The following ELK3 variants were observed in gnomAD, a reference collection of about 807,000 sequenced individuals.
The protein encoded by ELK3 is ETS transcription factor ELK3.
In ELK3, 10 loss-of-function variants were observed where a neutral mutation model predicts 28.9. The ratio of observed to expected loss-of-function variants is 0.35; its 90% confidence interval spans 0.21 to 0.59. ELK3 has a LOEUF of 0.59. ELK3 is among the 20% of genes least tolerant of loss of function. The pLI, the probability that ELK3 is intolerant of heterozygous loss-of-function variation, is 0.82. For synonymous variants in ELK3, 272 were observed against 243.5 expected (o/e 1.12, Z -1.09); for missense variants, 463 against 517.3 (o/e 0.90, Z 1.02).
intron 3 of ELK3, among the ~76,000 whole-genome samples, chr12:96,254,596 G>A (rs1253087023): frequency 6.6e-6 from 1 of 152,136 alleles, no homozygotes; most frequent in Non-Finnish European, 1.5e-5. Flanking sequence ...CAACACACAT[G>A]AACTGAGTGC....
At chr12:96,258,859 C>T (rs1951971149) in intron 3 of ELK3, among the ~76,000 whole-genome samples, 1 of 152,178 alleles carries the variant, frequency 6.6e-6, no homozygotes, top group South Asian at 2.1e-4. Context: ...AAACCATTGC[C>T]AGGGCAATGA....
At chr12:96,210,597 A>ACACC (rs1416746905) in intron 1 of ELK3, among the ~76,000 whole-genome samples, 137 of 149,046 alleles carry the variant, frequency 9.2e-4, no homozygotes, top group East Asian at 2.9e-3. Context: ...ACACACACAC[A>ACACC]CCCCGAGTGG....
intron 2 of ELK3, among the ~76,000 whole-genome samples, chr12:96,233,489 T>G (rs1822395671): frequency 6.6e-6 from 1 of 152,212 alleles, no homozygotes; most frequent in South Asian, 2.1e-4. Flanking sequence ...GGAAGGGATT[T>G]CGGGGAGAAC....
intron 3 of ELK3, among the ~76,000 whole-genome samples, chr12:96,252,336 A>G (rs1323890993): frequency 6.6e-6 from 1 of 151,926 alleles, no homozygotes; most frequent in East Asian, 1.9e-4. Context: ...TCCATTCTAC[A>G]ACCCAGAAGT....
At chr12:96,231,377 C>T (rs553677589) in intron 2 of ELK3, among the ~76,000 whole-genome samples, 10 of 152,336 alleles carry the variant, frequency 6.6e-5, no homozygotes, top group South Asian at 2.1e-4. Flanking sequence ...TAGAGAAGAG[C>T]GGGGCCCATG....
At chr12:96,208,403 T>C (rs1951553026) in intron 1 of ELK3, among the ~76,000 whole-genome samples, 1 of 152,254 alleles carries the variant, frequency 6.6e-6, no homozygotes, top group South Asian at 2.1e-4. Flanking sequence ...TTAAGTTTAC[T>C]TTGTTATTTT....
intron 1 of ELK3, among the ~76,000 whole-genome samples, chr12:96,209,537 A>G (rs1420879393): frequency 6.6e-6 from 1 of 152,248 alleles, no homozygotes; most frequent in Non-Finnish European, 1.5e-5. Flanking sequence ...TTTAGCACAG[A>G]AAATCTTTCA....
At chr12:96,266,255 C>T (rs919400273) in intron 4 of ELK3, among the ~76,000 whole-genome samples, 5 of 152,152 alleles carry the variant, frequency 3.3e-5, no homozygotes, top group African/African-American at 1.2e-4. Context: ...ATATTTGGCG[C>T]TGAAGTTTAA....
chr12:96,209,282 G>T (rs183483744), intron 1 of ELK3, among the ~76,000 whole-genome samples: 1 of 152,218 alleles, frequency 6.6e-6, no homozygotes, highest in East Asian at 1.9e-4. Flanking sequence ...CCACTGGGTG[G>T]TGCTGCAGGA....
chr12:96,208,812 C>T (rs1419896063), intron 1 of ELK3, among the ~76,000 whole-genome samples: 1 of 152,188 alleles, frequency 6.6e-6, no homozygotes, highest in Non-Finnish European at 1.5e-5. Flanking sequence ...CAAGATAGAA[C>T]CAGGGAGGTA....
intron 1 of ELK3, among the ~76,000 whole-genome samples, chr12:96,205,319 A>C (rs1951532754): frequency 6.6e-6 from 1 of 152,204 alleles, no homozygotes; most frequent in South Asian, 2.1e-4. Flanking sequence ...ACTGTGTGTG[A>C]GGTGCAGTAC....
At chr12:96,227,001 G>C (rs1214833772) in intron 2 of ELK3, among the ~76,000 whole-genome samples, 2 of 152,188 alleles carry the variant, frequency 1.3e-5, no homozygotes, top group African/African-American at 4.8e-5. Flanking sequence ...TGTGATGATA[G>C]GTGTAAGTTG....
chr12:96,219,031 G>A (rs537470104), intron 1 of ELK3, among the ~76,000 whole-genome samples: 2 of 152,164 alleles, frequency 1.3e-5, no homozygotes, highest in African/African-American at 4.8e-5. Context: ...CATTTTTGAA[G>A]CTCAGAGTGG....
chr12:96,258,063 C>T (rs1196974803), intron 3 of ELK3, among the ~76,000 whole-genome samples: 1 of 152,216 alleles, frequency 6.6e-6, no homozygotes, highest in Non-Finnish European at 1.5e-5. Flanking sequence ...GTAACGTGGG[C>T]ATTTTTATTC....
intron 1 of ELK3, among the ~76,000 whole-genome samples, chr12:96,211,486 TTTGTGTGTGTGTGTGTGTG>T (rs1203323208): frequency 1.0e-4 from 14 of 133,422 alleles, no homozygotes; most frequent in Non-Finnish European, 1.9e-4. Flanking sequence ...TCATTGTGTG[TTTGTGTGTGTGTGTGTGTG>T]TGTGTGTGTG....
At chr12:96,250,685 T>C (rs1951898144) in intron 3 of ELK3, among the ~76,000 whole-genome samples, 1 of 152,216 alleles carries the variant, frequency 6.6e-6, no homozygotes, top group South Asian at 2.1e-4. Flanking sequence ...TCCTCTTACC[T>C]GAGCACTTTG....
chr12:96,223,819 C>A lies in ELK3; in HGVS notation c.207+46C>A, dbSNP rs374940996. On this transcript the variant is annotated intron_variant, in intron 2 of 4. Coordinates refer to ENST00000228741, the MANE Select transcript of ELK3 (RefSeq NM_005230.4). ...GGGGCCGTCTTGGGGAGGGTGGAAT[C>A]CCCTCTGCGTAGTTCACTGATGAAA... 7.1e-5 allele frequency: 113 copies of A among 1,584,356 alleles called. 2 individuals carry two copies. Among genetic ancestry groups the A allele is most frequent in the Middle Eastern group, 5.0e-4 (3 of 6,034 alleles).
intron 2 of ELK3, among the ~76,000 whole-genome samples, chr12:96,228,076 G>A (rs7963482): frequency 0.81 from 123,357 of 152,036 alleles, 50,163 homozygotes; most frequent in East Asian, 1. Context: ...CCTGGGCAAC[G>A]TAGTGAGACC....
At chr12:96,201,810 A>G (rs1951509685) in intron 1 of ELK3, among the ~76,000 whole-genome samples, 1 of 152,172 alleles carries the variant, frequency 6.6e-6, no homozygotes, top group Admixed American at 6.5e-5. Flanking sequence ...GGGGATCTCC[A>G]TAAGTTTCCC....
Sources: gnomAD v4.1 joint callset for allele counts (sites outside exome capture counted in the v4.1 genomes callset) on GRCh38, gnomAD v4.1.1 for gene constraint, MANE v1.5 for transcripts, NCBI Gene and HGNC (gene_info 2026-07-23, HGNC 2026-07-21) for gene names.